Variants in BACE2 observed in about 807,000 individuals in gnomAD.
BACE2 encodes beta-secretase 2, also known as 56 kDa aspartic-like protease.
BACE2 carries 17 observed loss-of-function variants against 46.2 expected under a neutral mutation model. That is an observed-to-expected ratio of 0.37 (90% CI 0.25 to 0.55). The LOEUF (loss-of-function observed/expected upper bound fraction) is 0.55. Ranked by LOEUF, BACE2 falls within the 20% of genes least tolerant of loss-of-function variation. BACE2 has a pLI of 0.82. For synonymous variants in BACE2, 277 were observed against 295.9 expected, an observed-to-expected ratio of 0.94 and a Z score of 0.66; for missense variants, 595 against 698.1, an observed-to-expected ratio of 0.85 and a Z score of 1.66.
At chr21:41,241,779 G>C in intron 3 of BACE2, 40 bp from the exon 4 acceptor site, 1 of 1,611,854 alleles carries the variant, frequency 6.2e-7, no homozygotes, top group Non-Finnish European at 8.5e-7. Flanking sequence ...TCTACACTGT[G>C]AGTCCTAAGC....
intron 1 of BACE2, chr21:41,178,066 C>T (rs1984925375): frequency 1.3e-5 from 2 of 152,238 alleles, no homozygotes; most frequent in African/African-American, 4.8e-5. Context: ...ACTGGAAGTG[C>T]TGCTCGGCAT....
At chr21:41,179,563 C>CCAGGGTGAGGAGTGAGGGTGT (rs760049718) in intron 1 of BACE2, 1 of 1,365,944 alleles carries the variant, frequency 7.3e-7, no homozygotes, top group African/African-American at 1.5e-5. Context: ...GTGAGGGTGT[C>CCAGGGTGAGGAGTGAGGGTGT]CAGGGTGAGT....
chr21:41,266,669 T>G (rs936763606), intron 8 of BACE2, among the ~76,000 whole-genome samples: 3 of 152,228 alleles, frequency 2.0e-5, no homozygotes, highest in Non-Finnish European at 4.4e-5. Context: ...CCCGGCTCCT[T>G]TCACCAATGG....
At chr21:41,173,763 A>G (rs999342919) in intron 1 of BACE2, among the ~76,000 whole-genome samples, 3 of 152,146 alleles carry the variant, frequency 2.0e-5, no homozygotes, top group African/African-American at 7.2e-5. Flanking sequence ...AGAATTTAAA[A>G]TGTCCCATGT....
chr21:41,197,623 T>C (rs1568864224), intron 1 of BACE2, among the ~76,000 whole-genome samples: 1 of 151,760 alleles, frequency 6.6e-6, no homozygotes, highest in Non-Finnish European at 1.5e-5. Context: ...TTCCTACCTA[T>C]GTAAAAATCT....
In BACE2 at chr21:41,275,741, C is replaced by A; in HGVS notation, c.*117C>A. 1 of 1,245,968 alleles carries A rather than the reference C, an allele frequency of 8.0e-7. No homozygotes were observed. Among genetic ancestry groups the A allele is most frequent in the Non-Finnish European group, 1.1e-6 (1 of 911,762 alleles). The allele number at this position is 1,245,968 out of a possible 1,614,324, so 77.2% of individuals were successfully genotyped here. On this transcript the variant is annotated 3_prime_UTR_variant, in exon 9 of 9. Coordinates refer to ENST00000330333, the MANE Select transcript of BACE2 (RefSeq NM_012105.5). Reference sequence around the variant, plus strand: ...TCCTGTGCCCACCCGTCTTCAATCTCTGTTCTGCTCCCAGATGCCTTCTAG... The same window carrying A: ...TCCTGTGCCCACCCGTCTTCAATCTATGTTCTGCTCCCAGATGCCTTCTAG...
rs1160700978 is a variant in BACE2 at position 41,178,945 on chromosome 21, G to T, written c.312+10370G>T. ...TGGTGAAAGAATCCTGCTTTATAAG[G>T]GCGGTTATGGAAGACCTCTCTGAGG... On this transcript the variant is annotated intron_variant, in intron 1 of 8. Transcript: ENST00000330333. 2.7e-5 allele frequency: 12 copies of T among 449,926 alleles called. No individual in the cohort carries two copies. The East Asian group carries it at 8.6e-4, about 32-fold the overall frequency. 27.9% of individuals were successfully genotyped at this position (449,926 alleles called of 1,614,324 possible). A position where few individuals can be genotyped will look rare whatever the true frequency, so the allele number is the denominator to read the frequency against.
intron 8 of BACE2, among the ~76,000 whole-genome samples, chr21:41,258,432 T>C (rs1804419355): frequency 6.6e-6 from 1 of 152,212 alleles, no homozygotes; most frequent in South Asian, 2.1e-4. Flanking sequence ...CACTCTGATC[T>C]CAACCCAGGT....
chr21:41,216,736 T>G (rs1006579067), intron 1 of BACE2, among the ~76,000 whole-genome samples: 5 of 152,206 alleles, frequency 3.3e-5, no homozygotes, highest in African/African-American at 1.2e-4. Flanking sequence ...GTTCCTGCCT[T>G]GGCCCTGTCT....
chr21:41,223,162 T>C (rs1986707581), intron 1 of BACE2, among the ~76,000 whole-genome samples: 1 of 152,006 alleles, frequency 6.6e-6, no homozygotes, highest in East Asian at 1.9e-4. Context: ...AAGACCAGCC[T>C]GGGCAACATA....
intron 6 of BACE2, among the ~76,000 whole-genome samples, chr21:41,249,319 G>T (rs979118232): frequency 6.7e-6 from 1 of 149,354 alleles, no homozygotes; most frequent in Non-Finnish European, 1.5e-5. Flanking sequence ...GGGGACTCAG[G>T]ACTAGTGAGC....
At chr21:41,191,119 G>T (rs1016439654) in intron 1 of BACE2, among the ~76,000 whole-genome samples, 1 of 152,152 alleles carries the variant, frequency 6.6e-6, no homozygotes, top group African/African-American at 2.4e-5. Flanking sequence ...GTGAATCCTG[G>T]CTATGGGAGA....
chr21:41,223,095 T>C (rs554651046), intron 1 of BACE2, among the ~76,000 whole-genome samples: 1 of 152,298 alleles, frequency 6.6e-6, no homozygotes, highest in African/African-American at 2.4e-5. Flanking sequence ...GGCTCATGCC[T>C]GTAATCCCAG....
intron 2 of BACE2, among the ~76,000 whole-genome samples, chr21:41,227,053 T>C (rs2123575855): frequency 6.6e-6 from 1 of 152,314 alleles, no homozygotes; most frequent in Non-Finnish European, 1.5e-5. Flanking sequence ...CCCAGCGGCT[T>C]GTGGCAGCCT....
chr21:41,204,777 C>A (rs746930892), intron 1 of BACE2, among the ~76,000 whole-genome samples: 1 of 152,198 alleles, frequency 6.6e-6, no homozygotes, highest in Non-Finnish European at 1.5e-5. Flanking sequence ...CATTTCTCTT[C>A]TGGGTTAGCA....
intron 1 of BACE2, among the ~76,000 whole-genome samples, chr21:41,202,226 G>GT (rs1490880967): frequency 6.6e-6 from 1 of 152,224 alleles, no homozygotes; most frequent in Non-Finnish European, 1.5e-5. Flanking sequence ...TTAGGGGATT[G>GT]TTGAAGGTGG....
chr21:41,217,615 G>T (rs1408860493), intron 1 of BACE2, among the ~76,000 whole-genome samples: 1 of 151,902 alleles, frequency 6.6e-6, no homozygotes, highest in Non-Finnish European at 1.5e-5. Context: ...GTGCTTTCCA[G>T]CCTGGGTGCT....
intron 1 of BACE2, among the ~76,000 whole-genome samples, chr21:41,194,160 A>T (rs1010578388): frequency 1.3e-5 from 2 of 152,272 alleles, no homozygotes; most frequent in Middle Eastern, 3.4e-3. Flanking sequence ...TTCTGCTTGT[A>T]TAAATTAAGT....
chr21:41,263,838 A>G (rs1309945260), intron 8 of BACE2, among the ~76,000 whole-genome samples: 1 of 152,204 alleles, frequency 6.6e-6, no homozygotes, highest in Non-Finnish European at 1.5e-5. Context: ...GTATTTTCCC[A>G]TCGTGCTATA....
Sources: gnomAD v4.1 joint callset for allele counts (sites outside exome capture counted in the v4.1 genomes callset) on GRCh38, gnomAD v4.1.1 for gene constraint, MANE v1.5 for transcripts, NCBI Gene and HGNC (gene_info 2026-07-23, HGNC 2026-07-21) for gene names.